Variants in NLRP1 observed in about 807,000 individuals in gnomAD.
NLRP1 encodes the protein NLR family pyrin domain containing 1.
A neutral mutation model predicts 136.7 loss-of-function variants in NLRP1; 94 were observed. That is an observed-to-expected ratio of 0.69 (90% CI 0.58 to 0.82). The LOEUF (loss-of-function observed/expected upper bound fraction) is 0.82, where lower values mean the gene tolerates loss of function less well. NLRP1 is among the 40% of genes least tolerant of loss of function. NLRP1 has a pLI of 0.00. For synonymous variants in NLRP1, 690 were observed against 725.1 expected (o/e 0.95, Z 0.78); for missense variants, 1,575 against 1,802.7 (o/e 0.87, Z 2.29).
chr17:5,556,626 A>T (rs1297046029), intron 4 of NLRP1, among the ~76,000 whole-genome samples: 1 of 146,706 alleles, frequency 6.8e-6, no homozygotes, highest in Non-Finnish European at 1.5e-5. Context: ...TTGACCACTA[A>T]TTTTTTTTTT....
At chr17:5,512,470 A>G (rs552899305), downstream of NLRP1, 157 of 708,424 alleles carry the variant, frequency 2.2e-4, no homozygotes, top group African/African-American at 2.3e-3. Flanking sequence ...ATGGAAACAC[A>G]CCATTGCATT....
intron 8 of NLRP1, among the ~76,000 whole-genome samples, chr17:5,534,596 C>A (rs1020477087): frequency 1.4e-4 from 21 of 152,156 alleles, no homozygotes; most frequent in Admixed American, 1.2e-3. Context: ...ATGACCTCCA[C>A]CTGAGTCCCA....
chr17:5,576,008 C>CACGG (rs1904978084), intron 3 of NLRP1, among the ~76,000 whole-genome samples: 1 of 152,144 alleles, frequency 6.6e-6, no homozygotes, highest in African/African-American at 2.4e-5. Context: ...AACTGAACAA[C>CACGG]CTGCTCCTGA....
At chr17:5,517,362 C>CGCCG (rs1294248524) in intron 15 of NLRP1, among the ~76,000 whole-genome samples, 3 of 61,564 alleles carry the variant, frequency 4.9e-5, no homozygotes, top group East Asian at 3.1e-4. Context: ...CCCCCCCCCT[C>CGCCG]CCACATACAC....
At position 5,504,627 on chromosome 17, in the gene NLRP1, TTAGAATAGAATAGAA is replaced by T. The variant is rs5819029; in HGVS notation, c.4070-2770_4070-2756del. On this transcript the variant is annotated intron_variant, in intron 15 of 15. Coordinates refer to the NLRP1 transcript ENST00000262467. This position sits in a 1 kb window ranked among gnomAD's most constrained non-coding sequence, Gnocchi z 4.4. ...AGACTGAGACTCTGTCTCAAAAAAATTAGAATAGAATAGAATAGAATAGAATAGAATAAAACACTG... is the reference window on the plus strand; with the variant it reads ...AGACTGAGACTCTGTCTCAAAAAAATTAGAATAGAATAGAATAAAACACTG... 2 of 149,412 alleles carry T rather than the reference TTAGAATAGAATAGAA, an allele frequency of 1.3e-5. No individual in the cohort carries two copies. The highest frequency in any genetic ancestry group is 2.5e-5 in the African/African-American group (1 of 40,228). The allele number at this position is 149,412 out of a possible 1,614,324, so 9.3% of individuals were successfully genotyped here. A position where few individuals can be genotyped will look rare whatever the true frequency, so the allele number is the denominator to read the frequency against.
Position 5,533,338 on chromosome 17 carries a change from G to A in NLRP1, c.3099C>T (p.Asp1033=), listed in dbSNP as rs1226211971. The change falls in exon 10 of 17, where the codon GAC becomes GAT. Residue 1033 remains aspartate (D), a synonymous_variant. Coordinates refer to ENST00000572272, the MANE Select transcript of NLRP1 (RefSeq NM_033004.4). ...CAGCAATTGGGAAGATCTTGCTCAC[G>A]TCCAGGAGTTTGAGATTAGCCTGAG... ...HVAQANLKLL[D]VSKIFPIAEI... is the part of the protein sequence containing the mutation. 11 of 1,489,650 alleles carry A rather than the reference G, an allele frequency of 7.4e-6. No individual in the cohort carries two copies. Among genetic ancestry groups the A allele is most frequent in the East Asian group, 4.9e-5 (2 of 40,670 alleles). 92.3% of individuals were successfully genotyped at this position (1,489,650 alleles called of 1,614,324 possible).
At chr17:5,540,279 T>C (rs1192311286) in intron 6 of NLRP1, among the ~76,000 whole-genome samples, 2 of 152,192 alleles carry the variant, frequency 1.3e-5, no homozygotes, top group African/African-American at 2.4e-5. Flanking sequence ...AAGATATATT[T>C]TAACTGATAA....
Position 5,517,259 on chromosome 17 carries a change from A to G in NLRP1, c.4057+487T>C, listed in dbSNP as rs145473983. Among the ~76,000 whole-genome samples, 8 of 150,216 alleles carry G rather than the reference A, an allele frequency of 5.3e-5. No homozygotes were observed. In the East Asian group the frequency reaches 1.6e-3, roughly 29 times the overall value. On this transcript the variant is annotated intron_variant, in intron 15 of 16. Coordinates refer to ENST00000572272, the MANE Select transcript of NLRP1 (RefSeq NM_033004.4). Reference sequence around the variant, plus strand: ...TGAGTCAAGTTTAAATTCTAGTCATAACAACTGTTATGTAACTTGAGAAAG... The same window carrying G: ...TGAGTCAAGTTTAAATTCTAGTCATGACAACTGTTATGTAACTTGAGAAAG...
chr17:5,519,348 C>T (rs1022235201), intron 14 of NLRP1, among the ~76,000 whole-genome samples: 1 of 151,540 alleles, frequency 6.6e-6, no homozygotes, highest in Non-Finnish European at 1.5e-5. Flanking sequence ...GTTTTGCCAT[C>T]TTGGCCAGGC....
chr17:5,574,545 G>C (rs554823406), intron 3 of NLRP1, among the ~76,000 whole-genome samples: 1 of 152,050 alleles, frequency 6.6e-6, no homozygotes, highest in East Asian at 1.9e-4. Context: ...AAATGTTAAG[G>C]GCAGCCAGAG....
intron 6 of NLRP1, among the ~76,000 whole-genome samples, chr17:5,540,575 C>A (rs1210545809): frequency 6.6e-6 from 1 of 152,204 alleles, no homozygotes; most frequent in Non-Finnish European, 1.5e-5. Flanking sequence ...TCAGACCTGG[C>A]TTCAAATCCT....
chr17:5,514,724 A>G lies in NLRP1; in HGVS notation c.*30T>C. 6.2e-7 allele frequency: 1 copy of G among 1,608,570 alleles called. No homozygotes were observed. Among genetic ancestry groups the G allele is most frequent in the Non-Finnish European group, 8.5e-7 (1 of 1,175,562 alleles). On this transcript the variant is annotated 3_prime_UTR_variant, in exon 17 of 17. Transcript: ENST00000572272. ...CAAAGAAGGGTCAGCCAAAGCCAGG[A>G]CTCAAGGGTCAAGGGCTGGTGTTGA...
intron 4 of NLRP1, among the ~76,000 whole-genome samples, chr17:5,558,096 C>A (rs545842282): frequency 5.3e-5 from 8 of 152,264 alleles, no homozygotes; most frequent in African/African-American, 1.9e-4. Context: ...AGGTGGCAGA[C>A]ACGGCAGGGC....
At chr17:5,564,037 T>C (rs1370040339) in intron 3 of NLRP1, among the ~76,000 whole-genome samples, 2 of 152,172 alleles carry the variant, frequency 1.3e-5, no homozygotes, top group Non-Finnish European at 2.9e-5. Flanking sequence ...CTTTTCTTTT[T>C]TAAAATTTTA....
At chr17:5,513,104 C>A (rs1907748110), downstream of NLRP1, among the ~76,000 whole-genome samples, 1 of 152,236 alleles carries the variant, frequency 6.6e-6, no homozygotes, top group South Asian at 2.1e-4. Context: ...AGTCTAATAC[C>A]TGGATAGACT....
intron 15 of NLRP1, chr17:5,502,068 C>T (rs1026488203): frequency 1.8e-6 from 1 of 559,334 alleles, no homozygotes; most frequent in African/African-American, 1.9e-5. Flanking sequence ...TGCTGTTCCT[C>T]TCTATCCTAC....
chr17:5,581,832 C>G (rs374550442), intron 3 of NLRP1, 27 bp downstream of exon 3: 14 of 1,592,814 alleles, frequency 8.8e-6, no homozygotes, highest in Non-Finnish European at 1.2e-5. Flanking sequence ...ACCTCACCAC[C>G]CCGCCAGGAG....
Position 5,519,505 on chromosome 17 carries a change from G to T in NLRP1, c.3915+1376C>A, listed in dbSNP as rs187666384. Among the ~76,000 whole-genome samples, 160 of 151,300 alleles carry T rather than the reference G, an allele frequency of 1.1e-3. 3 individuals carry two copies. The East Asian group carries it at 0.021, about 20-fold the overall frequency. On this transcript the variant is annotated intron_variant, in intron 14 of 16. Transcript: ENST00000572272. ...TTGTAGCCCACACTGGAGTGCAGGG[G>T]GGGTGATCTTGGCTCACTGCAACCT... is the stretch of plus-strand genomic sequence containing the variant.
intron 12 of NLRP1, among the ~76,000 whole-genome samples, chr17:5,527,116 C>T (rs916343286): frequency 7.2e-5 from 11 of 152,258 alleles, no homozygotes; most frequent in African/African-American, 2.7e-4. Flanking sequence ...TAGCTAAAAG[C>T]AGCCTCTGTG....
Sources: gnomAD v4.1 joint callset for allele counts (sites outside exome capture counted in the v4.1 genomes callset) on GRCh38, gnomAD v4.1.1 for gene constraint, Gnocchi (gnomAD v3.1) non-coding constraint, MANE v1.5 for transcripts, NCBI Gene and HGNC (gene_info 2026-07-23, HGNC 2026-07-21) for gene names.